PDE4D: variants seen among roughly 807,000 people sequenced by gnomAD.
PDE4D encodes the protein phosphodiesterase 4D, also known as 3',5'-cyclic-AMP phosphodiesterase 4D.
Under a neutral mutation model 87.4 loss-of-function variants are expected in PDE4D, and 24 were observed. The observed-to-expected ratio is 0.27, with a 90% CI of 0.20 to 0.39. The LOEUF is 0.39. Among genes scored for constraint, PDE4D ranks in the 10% least tolerant of loss-of-function variants. The pLI is 1.00. For missense variants in PDE4D, 714 were observed against 1,041.0 expected, an observed-to-expected ratio of 0.69 and a Z score of 4.32; for synonymous variants, 384 against 383.2, an observed-to-expected ratio of 1.00 and a Z score of -0.02.
chr5:60,286,275 C>T (rs1752409667), intron 1 of PDE4D, among the ~76,000 whole-genome samples: 1 of 152,140 alleles, frequency 6.6e-6, no homozygotes, highest in South Asian at 2.1e-4. Context: ...ATACCATTCC[C>T]ATGAAATACA....
Position 60,226,024 on chromosome 5 carries a change from T to C in PDE4D, c.-89-40337A>G, listed in dbSNP as rs557466965. 2.0e-5 allele frequency among the ~76,000 whole-genome samples: 3 copies of C among 152,266 alleles called. No homozygotes were observed. In the East Asian group the frequency reaches 5.8e-4, roughly 29 times the overall value. ...AGTATATGGATATGCAGGTTAAATA[T>C]AGCTAGAACAAAAAGCATAATAGCA... On this transcript the variant is annotated intron_variant, in intron 1 of 16. Transcript: ENST00000502484.
At chr5:59,890,978 A>T (rs903499725) in intron 1 of PDE4D, among the ~76,000 whole-genome samples, 2 of 152,246 alleles carry the variant, frequency 1.3e-5, no homozygotes, top group Non-Finnish European at 2.9e-5. Flanking sequence ...TTGCAAAAGC[A>T]ACTCTATTAA....
chr5:59,314,821 T>C lies in PDE4D; in HGVS notation c.456-98853A>G, dbSNP rs552427882. On this transcript the variant is annotated intron_variant, in intron 1 of 14. Transcript: ENST00000340635. ...CGTCTACTTCTTTTTGGCCCCTGCC[T>C]TTTAACCTACTAGATAAATTTGTCT... is the stretch of plus-strand genomic sequence containing the variant. 6 of 152,292 alleles carry C rather than the reference T, an allele frequency of 3.9e-5. No homozygotes were observed. In the East Asian group the frequency reaches 1.2e-3, roughly 29 times the overall value. The allele number at this position is 152,292 out of a possible 1,614,324, so 9.4% of individuals were successfully genotyped here. A position where few individuals can be genotyped will look rare whatever the true frequency, so the allele number is the denominator to read the frequency against.
intron 1 of PDE4D, among the ~76,000 whole-genome samples, chr5:60,407,967 G>C (rs545474911): frequency 2.8e-4 from 42 of 152,244 alleles, no homozygotes; most frequent in Non-Finnish European, 4.6e-4. Flanking sequence ...ATGAAAAGCA[G>C]TGTAGCTTCC....
At chr5:59,768,679 C>G in intron 1 of PDE4D, 8 of 1,455,348 alleles carry the variant, frequency 5.5e-6, no homozygotes, top group South Asian at 1.4e-5. Flanking sequence ...AGGAGGCGAG[C>G]GCACTCCTCC....
upstream of PDE4D, chr5:59,893,925 T>A: frequency 1.5e-6 from 1 of 649,564 alleles, no homozygotes; most frequent in Non-Finnish European, 2.1e-6. Context: ...CAGAGGTTGG[T>A]CCTTCTTCCT....
At chr5:59,474,204 AT>A in intron 1 of PDE4D, among the ~76,000 whole-genome samples, 1 of 152,194 alleles carries the variant, frequency 6.6e-6, no homozygotes, top group East Asian at 1.9e-4. Flanking sequence ...TCCTGCTAGT[AT>A]TTTATTTCTT....
intron 1 of PDE4D, among the ~76,000 whole-genome samples, chr5:59,285,155 A>G (rs1028498545): frequency 2.1e-5 from 3 of 143,596 alleles, no homozygotes; most frequent in African/African-American, 7.8e-5. Flanking sequence ...TGGCACATGT[A>G]TACATATGTA....
chr5:59,437,851 T>G (rs1797007458), intron 1 of PDE4D, among the ~76,000 whole-genome samples: 1 of 152,206 alleles, frequency 6.6e-6, no homozygotes, highest in Non-Finnish European at 1.5e-5. Context: ...AAGAAATGCC[T>G]GAGACTGGGT....
intron 1 of PDE4D, among the ~76,000 whole-genome samples, chr5:59,267,240 T>G (rs890050716): frequency 1.3e-5 from 2 of 152,026 alleles, no homozygotes; most frequent in Non-Finnish European, 2.9e-5. Flanking sequence ...TTACAGTAAT[T>G]TATCCTGACT....
chr5:60,297,220 T>C (rs1202319890), intron 1 of PDE4D, among the ~76,000 whole-genome samples: 4 of 152,232 alleles, frequency 2.6e-5, no homozygotes, highest in Non-Finnish European at 5.9e-5. Flanking sequence ...ACTTTTCTCA[T>C]CAAGTATTTT....
chr5:59,108,836 A>G (rs188341147), intron 5 of PDE4D, among the ~76,000 whole-genome samples: 27 of 150,038 alleles, frequency 1.8e-4, no homozygotes, highest in Non-Finnish European at 3.0e-4. Context: ...CCAGGGAGGC[A>G]GAGGTTGCAG....
At chr5:60,051,363 A>T (rs958302286) in intron 2 of PDE4D, among the ~76,000 whole-genome samples, 2 of 152,246 alleles carry the variant, frequency 1.3e-5, no homozygotes, top group African/African-American at 4.8e-5. Context: ...AGTGCAAATT[A>T]GAACTCAGGA....
chr5:60,010,806 T>A (rs1764951574), intron 2 of PDE4D, among the ~76,000 whole-genome samples: 1 of 152,190 alleles, frequency 6.6e-6, no homozygotes, highest in Admixed American at 6.5e-5. Context: ...TAGGTAGTAA[T>A]GATTTTTTAA....
intron 1 of PDE4D, among the ~76,000 whole-genome samples, chr5:60,359,631 T>G (rs1759890152): frequency 6.6e-6 from 1 of 152,210 alleles, no homozygotes; most frequent in Admixed American, 6.5e-5. Context: ...AAAGACTTCT[T>G]AAAATATTTG....
intron 1 of PDE4D, among the ~76,000 whole-genome samples, chr5:59,771,481 G>GA (rs140028087): frequency 1.9e-5 from 2 of 104,194 alleles, no homozygotes; most frequent in Non-Finnish European, 3.8e-5. Context: ...AAGAAAGAAA[G>GA]AAAGAGAGAG....
chr5:59,542,433 C>A (rs891263749), intron 1 of PDE4D, among the ~76,000 whole-genome samples: 1 of 152,150 alleles, frequency 6.6e-6, no homozygotes, highest in African/African-American at 2.4e-5. Flanking sequence ...TTGGTGAATT[C>A]TCATATGCTG....
Position 59,546,007 on chromosome 5 carries a change from T to C in PDE4D, c.456-330039A>G, listed in dbSNP as rs937966025. Among the ~76,000 whole-genome samples, 13 of 152,244 alleles carry C rather than the reference T, an allele frequency of 8.5e-5. No homozygotes were observed. The East Asian group carries it at 1.2e-3, about 14-fold the overall frequency. ...TTCCACTTGTAATAACTAATGTTAATAGCAAAAATATATTTATACTGGAAT... is the reference window on the plus strand; with the variant it reads ...TTCCACTTGTAATAACTAATGTTAACAGCAAAAATATATTTATACTGGAAT... On this transcript the variant is annotated intron_variant, in intron 1 of 14. Transcript: ENST00000340635.
chr5:60,475,428 G>A (rs572009022), intron 1 of PDE4D, among the ~76,000 whole-genome samples: 7 of 152,204 alleles, frequency 4.6e-5, no homozygotes, highest in Non-Finnish European at 8.8e-5. Flanking sequence ...GGAGAATAAG[G>A]AGAAAAATAT....
Sources: allele counts gnomAD v4.1 joint callset (sites outside exome capture counted in the v4.1 genomes callset), GRCh38; gene constraint gnomAD v4.1.1; transcripts MANE v1.5; gene names NCBI Gene and HGNC (gene_info 2026-07-23, HGNC 2026-07-21).